The following RIN2 variants were observed in gnomAD, a reference collection of about 807,000 sequenced individuals.
RIN2 encodes the protein RAB5 interacting protein 2.
In RIN2, 36 loss-of-function variants were observed where a neutral mutation model predicts 78.0. The observed-to-expected ratio is 0.46, with a 90% CI of 0.35 to 0.61. RIN2 has a LOEUF of 0.61. RIN2 is among the 20% of genes least tolerant of loss of function. The pLI is 0.00. For synonymous variants in RIN2, 466 were observed against 466.8 expected (o/e 1.00, Z 0.02); for missense variants, 1,087 against 1,159.7 (o/e 0.94, Z 0.91).
At chr20:19,769,073 C>A (rs186856666) in intron 1 of RIN2, among the ~76,000 whole-genome samples, 2 of 152,018 alleles carry the variant, frequency 1.3e-5, no homozygotes, top group East Asian at 1.9e-4. Context: ...AGGTGCCCAC[C>A]GCCACGCCCA....
intron 2 of RIN2, chr20:19,809,449 G>A (rs895032718): frequency 6.6e-6 from 1 of 152,572 alleles, no homozygotes; most frequent in Non-Finnish European, 1.5e-5. Context: ...AGGAGAACAT[G>A]GAAGCAGGAT....
chr20:19,920,769 C>A (rs1195650759), intron 3 of RIN2, among the ~76,000 whole-genome samples: 1 of 152,162 alleles, frequency 6.6e-6, no homozygotes, highest in African/African-American at 2.4e-5. Flanking sequence ...CTCCACCCCC[C>A]AAGTTCAAGC....
intron 4 of RIN2, among the ~76,000 whole-genome samples, chr20:19,938,450 C>G (rs2146139238): frequency 6.6e-6 from 1 of 152,096 alleles, no homozygotes; most frequent in South Asian, 2.1e-4. Flanking sequence ...GTCTCAGACC[C>G]CTAGGCTCAA....
chr20:19,970,773 A>C, intron 7 of RIN2, 65 bp from the exon 8 acceptor site: 2 of 1,281,120 alleles, frequency 1.6e-6, no homozygotes. Context: ...TCTATGATGA[A>C]AATAAACACA....
chr20:19,863,375 C>G (rs1317783481), intron 2 of RIN2, among the ~76,000 whole-genome samples: 2 of 152,172 alleles, frequency 1.3e-5, no homozygotes, highest in Non-Finnish European at 2.9e-5. Context: ...GCAGCTCACA[C>G]CAACTTGACT....
intron 2 of RIN2, among the ~76,000 whole-genome samples, chr20:19,861,876 T>C (rs1195599586): frequency 1.3e-5 from 2 of 150,032 alleles, no homozygotes; most frequent in Admixed American, 1.3e-4. Flanking sequence ...TCAACCTCCA[T>C]ACCTGATGAT....
chr20:19,890,282 G>A (rs2038388255), intron 3 of RIN2, among the ~76,000 whole-genome samples: 1 of 152,052 alleles, frequency 6.6e-6, no homozygotes, highest in South Asian at 2.1e-4. Context: ...GGTGTTTTAT[G>A]TACTCTGTGT....
At chr20:19,862,791 C>G (rs187592419) in intron 2 of RIN2, among the ~76,000 whole-genome samples, 80 of 152,214 alleles carry the variant, frequency 5.3e-4, no homozygotes, top group African/African-American at 1.7e-3. Context: ...TCTTAGTCAT[C>G]TTGGTGTTCC....
At chr20:19,870,172 G>T (rs576815559) in intron 2 of RIN2, among the ~76,000 whole-genome samples, 35 of 152,262 alleles carry the variant, frequency 2.3e-4, no homozygotes, top group African/African-American at 5.3e-4. Flanking sequence ...CATTCCCACA[G>T]TTCGATGACC....
At chr20:19,939,673 T>C (rs767374750) in intron 4 of RIN2, among the ~76,000 whole-genome samples, 2 of 152,108 alleles carry the variant, frequency 1.3e-5, no homozygotes, top group Non-Finnish European at 2.9e-5. Flanking sequence ...TCCTTGCCAA[T>C]GTGGCCCCTG....
chr20:19,861,498 G>C lies in RIN2; in HGVS notation c.-36-28068G>C, dbSNP rs533206333. ...GGTTGAGCAAGAACGCCCTGCCCTC[G>C]ATATCTGATCACCCTCCATATCTGA... is the stretch of plus-strand genomic sequence containing the variant. On this transcript the variant is annotated intron_variant, in intron 2 of 12. Transcript: ENST00000255006. Among the ~76,000 whole-genome samples the C allele has an allele frequency of 6.6e-5, 10 of 152,094 alleles. No homozygotes were observed. In the East Asian group the frequency reaches 1.9e-3, roughly 29 times the overall value.
chr20:19,787,213 G>A, intron 1 of RIN2, among the ~76,000 whole-genome samples: 1 of 151,996 alleles, frequency 6.6e-6, no homozygotes, highest in East Asian at 1.9e-4. Flanking sequence ...ACAAGGTCAG[G>A]AGTTCGAGAC....
chr20:19,886,612 C>CTTTTTTT (rs11362637), intron 2 of RIN2: 160 of 520,908 alleles, frequency 3.1e-4, no homozygotes, highest in South Asian at 6.6e-4. Context: ...TCTTCTTCTT[C>CTTTTTTT]TTTTTTTTTT....
intron 1 of RIN2, among the ~76,000 whole-genome samples, chr20:19,790,426 T>G (rs1451758604): frequency 6.6e-6 from 1 of 152,224 alleles, no homozygotes; most frequent in African/African-American, 2.4e-5. Context: ...TTTATCCTGA[T>G]ACAGAATATC....
intron 2 of RIN2, among the ~76,000 whole-genome samples, chr20:19,853,762 G>A (rs557811999): frequency 2.2e-4 from 34 of 152,210 alleles, no homozygotes; most frequent in Admixed American, 1.6e-3. Context: ...TGAGTTCTTC[G>A]TAGATTCTGG....
intron 1 of RIN2, among the ~76,000 whole-genome samples, chr20:19,793,166 A>G (rs2034942807): frequency 1.3e-5 from 2 of 152,202 alleles, no homozygotes; most frequent in Non-Finnish European, 2.9e-5. Context: ...TAGAAAGTCA[A>G]AAGCAATAGG....
intron 11 of RIN2, among the ~76,000 whole-genome samples, chr20:19,994,858 T>A (rs778043390): frequency 1.3e-5 from 2 of 152,202 alleles, no homozygotes; most frequent in Admixed American, 6.5e-5. Context: ...AGGGTGATTA[T>A]ACTGTAGGTG....
At position 19,990,309 on chromosome 20, in the gene RIN2, C is replaced by T; in HGVS notation, c.2066C>T (p.Ser689Leu). ...KLIYTVMENNSGRMYGADDFL... is the reference protein window; with the variant it reads ...KLIYTVMENNLGRMYGADDFL... ...ATTTACACGGTCATGGAGAACAACT[C>T]AGGTGAGGCCGCTGGAAGCCCAGGC... The change falls in exon 10 of 13, where the codon TCA becomes TTA. Residue 689 changes from serine to leucine, a missense_variant and splice_region_variant. Transcript: ENST00000255006. 1 of 1,602,982 alleles carries T rather than the reference C, an allele frequency of 6.2e-7. No homozygotes were observed. Among genetic ancestry groups the T allele is most frequent in the South Asian group, 1.1e-5 (1 of 90,270 alleles).
At chr20:19,805,484 C>G (rs924453940) in intron 2 of RIN2, among the ~76,000 whole-genome samples, 15 of 152,210 alleles carry the variant, frequency 9.9e-5, no homozygotes, top group African/African-American at 3.6e-4. Flanking sequence ...TCACTGCAAC[C>G]TCCACCTCCT....
Sources: gnomAD v4.1 joint callset for allele counts (sites outside exome capture counted in the v4.1 genomes callset) on GRCh38, gnomAD v4.1.1 for gene constraint, MANE v1.5 for transcripts, NCBI Gene and HGNC (gene_info 2026-07-23, HGNC 2026-07-21) for gene names.